Variants in XKR9 observed in about 807,000 individuals in gnomAD.
XKR9 encodes the protein XK-related protein 9.
A neutral mutation model predicts 32.0 loss-of-function variants in XKR9; 32 were observed. The ratio of observed to expected loss-of-function variants is 1.00; its 90% CI spans 0.76 to 1.34. XKR9 has a LOEUF of 1.34. XKR9 is among the 40% of genes most tolerant of loss of function. The probability of loss-of-function intolerance (pLI) is 0.00; values close to 1 mark genes in which losing one functional copy is unlikely to be tolerated. For synonymous variants in XKR9, 168 were observed against 143.4 expected (o/e 1.17, Z -1.22); for missense variants, 546 against 429.7 (o/e 1.27, Z -2.39).
the XKR9 span, among the ~76,000 whole-genome samples, chr8:70,890,601 A>G: frequency 6.6e-6 from 1 of 152,024 alleles, no homozygotes; most frequent in Non-Finnish European, 1.5e-5. Context: ...AGGAAGTACC[A>G]TGTTTATTGA....
At chr8:70,675,425 T>G (rs1462006623) in intron 2 of XKR9, among the ~76,000 whole-genome samples, 1 of 152,214 alleles carries the variant, frequency 6.6e-6, no homozygotes, top group Non-Finnish European at 1.5e-5. Context: ...CTGTACAGCC[T>G]GCTTAAAGTC....
the XKR9 span, among the ~76,000 whole-genome samples, chr8:70,930,115 T>G: frequency 6.6e-6 from 1 of 152,308 alleles, no homozygotes; most frequent in East Asian, 1.9e-4. Context: ...GGTTTTGAAT[T>G]TTTTTCTGTT....
chr8:70,924,658 C>T, the XKR9 span, among the ~76,000 whole-genome samples: 1 of 152,154 alleles, frequency 6.6e-6, no homozygotes, highest in Admixed American at 6.5e-5. Context: ...TGGTTGTTTT[C>T]AGACTGTGGA....
At chr8:70,780,268 A>T (rs1807596088) in intron 2 of XKR9, among the ~76,000 whole-genome samples, 1 of 150,160 alleles carries the variant, frequency 6.7e-6, no homozygotes, top group African/African-American at 2.4e-5. Context: ...ATTATTTCTT[A>T]CTTTGCATTT....
chr8:70,755,928 A>T (rs1398260362), intron 2 of XKR9, among the ~76,000 whole-genome samples: 3 of 152,102 alleles, frequency 2.0e-5, no homozygotes, highest in Admixed American at 2.0e-4. Flanking sequence ...ATTAAAAAAA[A>T]GATTTTGGTT....
the XKR9 span, among the ~76,000 whole-genome samples, chr8:71,047,136 T>C: frequency 1.3e-5 from 2 of 152,250 alleles, no homozygotes; most frequent in South Asian, 4.1e-4. Context: ...GAATTATGCG[T>C]GGTTTGTCTC....
the XKR9 span, among the ~76,000 whole-genome samples, chr8:71,041,997 G>A: frequency 6.6e-6 from 1 of 152,094 alleles, no homozygotes; most frequent in Non-Finnish European, 1.5e-5. Flanking sequence ...ATGCCAATGA[G>A]GAATAAATGC....
the XKR9 span, among the ~76,000 whole-genome samples, chr8:71,042,556 T>C: frequency 6.6e-6 from 1 of 152,214 alleles, no homozygotes; most frequent in Non-Finnish European, 1.5e-5. Flanking sequence ...AGTGTTTAAA[T>C]GGCGTTTTGA....
chr8:70,805,677 C>T, the XKR9 span, among the ~76,000 whole-genome samples: 1 of 152,216 alleles, frequency 6.6e-6, no homozygotes, highest in Admixed American at 6.5e-5. Flanking sequence ...GACCCTGACT[C>T]ATCCTTACTG....
At chr8:70,783,170 C>T (rs1807639108) in intron 2 of XKR9, among the ~76,000 whole-genome samples, 1 of 151,580 alleles carries the variant, frequency 6.6e-6, no homozygotes, top group South Asian at 2.1e-4. Flanking sequence ...TTGCATTTCC[C>T]TAATGGTTAG....
At chr8:70,921,157 A>T in the XKR9 span, among the ~76,000 whole-genome samples, 1 of 152,206 alleles carries the variant, frequency 6.6e-6, no homozygotes, top group Non-Finnish European at 1.5e-5. Flanking sequence ...AAATGGAAGG[A>T]TGTAATAGGA....
At chr8:70,800,243 T>G in the XKR9 span, among the ~76,000 whole-genome samples, 43 of 152,334 alleles carry the variant, frequency 2.8e-4, 1 homozygote, top group African/African-American at 9.4e-4. Context: ...CTTTTTGATG[T>G]GCTGCTGGAT....
At chr8:71,001,325 C>G in the XKR9 span, among the ~76,000 whole-genome samples, 48,191 of 151,652 alleles carry the variant, frequency 0.32, 8,918 homozygotes, top group Non-Finnish European at 0.43. Context: ...ACAGCAGCAC[C>G]ATCACGGCTT....
the XKR9 span, among the ~76,000 whole-genome samples, chr8:70,871,497 G>C: frequency 1.3e-5 from 2 of 151,988 alleles, no homozygotes; most frequent in South Asian, 2.1e-4. Context: ...TTATTATATA[G>C]CTTCTATGGT....
At chr8:70,750,140 T>C (rs1292533994) in intron 2 of XKR9, among the ~76,000 whole-genome samples, 1 of 152,192 alleles carries the variant, frequency 6.6e-6, no homozygotes, top group Non-Finnish European at 1.5e-5. Flanking sequence ...TATTGTTGCT[T>C]TAAGGTTAAA....
At chr8:70,764,476 A>C (rs1563472834) in intron 2 of XKR9, among the ~76,000 whole-genome samples, 1 of 152,328 alleles carries the variant, frequency 6.6e-6, no homozygotes, top group South Asian at 2.1e-4. Flanking sequence ...AAAGAAAAGA[A>C]TAAGCTTTCA....
At chr8:70,788,507 C>T (rs1807721277) in intron 2 of XKR9, among the ~76,000 whole-genome samples, 1 of 148,530 alleles carries the variant, frequency 6.7e-6, no homozygotes, top group African/African-American at 2.4e-5. Flanking sequence ...AAAGACTTTG[C>T]AGGCAAGCTT....
chr8:70,744,691 C>T (rs1807033729), intron 2 of XKR9, among the ~76,000 whole-genome samples: 2 of 152,212 alleles, frequency 1.3e-5, no homozygotes, highest in Non-Finnish European at 2.9e-5. Flanking sequence ...CCACAACCTC[C>T]ACCTCCTGGG....
At chr8:70,811,725 C>G in the XKR9 span, among the ~76,000 whole-genome samples, 1 of 152,178 alleles carries the variant, frequency 6.6e-6, no homozygotes, top group African/African-American at 2.4e-5. Flanking sequence ...CATACACACT[C>G]CCAAGACTAA....
Sources: allele counts gnomAD v4.1 joint callset (sites outside exome capture counted in the v4.1 genomes callset), GRCh38; gene constraint gnomAD v4.1.1; transcripts MANE v1.5; gene names NCBI Gene and HGNC (gene_info 2026-07-23, HGNC 2026-07-21).